The following NOS1AP variants were observed in gnomAD, a reference collection of about 807,000 sequenced individuals.
NOS1AP encodes the protein carboxyl-terminal PDZ ligand of neuronal nitric oxide synthase protein.
NOS1AP carries 21 observed loss-of-function variants against 56.2 expected under a neutral mutation model. The ratio of observed to expected loss-of-function variants is 0.37; its 90% CI spans 0.26 to 0.54. NOS1AP has a LOEUF of 0.54. NOS1AP is among the 20% of genes least tolerant of loss of function. The pLI, the probability that NOS1AP is intolerant of heterozygous loss-of-function variation, is 0.84. For synonymous variants in NOS1AP, 270 were observed against 274.6 expected (o/e 0.98, Z 0.17); for missense variants, 522 against 657.8 (o/e 0.79, Z 2.26).
rs57058985 is a variant in NOS1AP, at chr1:162,278,664, C to CGTGT, written c.178-8635_178-8632dup. On this transcript the variant is annotated intron_variant, in intron 2 of 9. Transcript: ENST00000361897. ...TACTAGGAAACGTTTACTCCTTCTA[C>CGTGT]GTGTGTGTGTGTGTGTGTGTGTGTG... 2.5e-3 allele frequency among the ~76,000 whole-genome samples: 354 copies of CGTGT among 143,202 alleles called. 2 individuals carry two copies. The highest frequency in any genetic ancestry group is 5.7e-3 in the South Asian group (25 of 4,384). The allele number at this position is 143,202 out of a possible 152,430, so 93.9% of individuals were successfully genotyped here. A position where few individuals can be genotyped will look rare whatever the true frequency, so the allele number is the denominator to read the frequency against.
chr1:162,313,851 G>A (rs58381740), intron 4 of NOS1AP, among the ~76,000 whole-genome samples: 11,250 of 152,176 alleles, frequency 0.074, 458 homozygotes, highest in Middle Eastern at 0.12. Flanking sequence ...TCCTTTCTGA[G>A]GGCTTTCTGC....
At chr1:162,356,920 C>T (rs748117392) in intron 7 of NOS1AP, 40 bp from the exon 8 acceptor site, 2 of 1,613,558 alleles carry the variant, frequency 1.2e-6, no homozygotes, top group South Asian at 2.2e-5. Flanking sequence ...CAAGATGGCT[C>T]CTGCCACATG....
intron 4 of NOS1AP, among the ~76,000 whole-genome samples, chr1:162,305,365 G>C (rs1213101538): frequency 6.6e-6 from 1 of 150,818 alleles, no homozygotes; most frequent in African/African-American, 2.5e-5. Context: ...CACTATGGTG[G>C]ACATCTAAAC....
intron 2 of NOS1AP, among the ~76,000 whole-genome samples, chr1:162,247,018 G>A (rs1005784046): frequency 2.0e-5 from 3 of 152,182 alleles, no homozygotes; most frequent in Admixed American, 2.0e-4. Flanking sequence ...TGGGATCAAG[G>A]ACGTTAGATC....
chr1:162,208,616 T>C (rs1371857574), intron 2 of NOS1AP, among the ~76,000 whole-genome samples: 2 of 152,280 alleles, frequency 1.3e-5, no homozygotes, highest in Admixed American at 6.5e-5. Flanking sequence ...TATATGGATA[T>C]ATGAAATGCC....
At chr1:162,250,437 A>G (rs537406806) in intron 2 of NOS1AP, among the ~76,000 whole-genome samples, 42 of 152,350 alleles carry the variant, frequency 2.8e-4, no homozygotes, top group African/African-American at 1.0e-3. Flanking sequence ...TGGAAGCAAA[A>G]CAGCAGCAGA....
At chr1:162,099,947 A>G (rs1182342071) in intron 1 of NOS1AP, among the ~76,000 whole-genome samples, 1 of 151,560 alleles carries the variant, frequency 6.6e-6, no homozygotes, top group African/African-American at 2.4e-5. Flanking sequence ...CCATGTCCCT[A>G]CAAAGGACAT....
At chr1:162,257,585 G>A (rs1389703895) in intron 2 of NOS1AP, among the ~76,000 whole-genome samples, 1 of 151,608 alleles carries the variant, frequency 6.6e-6, no homozygotes, top group Non-Finnish European at 1.5e-5. Flanking sequence ...GGAGGCAGAG[G>A]TTGCAGTGAG....
At chr1:162,207,093 G>A (rs1261676636) in intron 2 of NOS1AP, among the ~76,000 whole-genome samples, 1 of 152,158 alleles carries the variant, frequency 6.6e-6, no homozygotes, top group African/African-American at 2.4e-5. Flanking sequence ...ATAATTAGAG[G>A]GTTTGTTAAA....
At chr1:162,345,220 T>C (rs567232355) in intron 6 of NOS1AP, among the ~76,000 whole-genome samples, 1 of 152,002 alleles carries the variant, frequency 6.6e-6, no homozygotes, top group East Asian at 1.9e-4. Context: ...GTTAGTTACA[T>C]ATGTATACAT....
intron 1 of NOS1AP, among the ~76,000 whole-genome samples, chr1:162,081,774 A>AGATATATATATT (rs1380820778): frequency 2.3e-5 from 1 of 44,060 alleles, no homozygotes; most frequent in Non-Finnish European, 4.6e-5. Flanking sequence ...ATATATATAT[A>AGATATATATATT]TTTTTTTTTT....
At chr1:162,346,154 A>T (rs1361462291) in intron 6 of NOS1AP, among the ~76,000 whole-genome samples, 3 of 152,156 alleles carry the variant, frequency 2.0e-5, no homozygotes, top group African/African-American at 7.2e-5. Flanking sequence ...ATGCCTTTTG[A>T]CCCCCAAATT....
At chr1:162,185,442 G>T (rs1032574913) in intron 2 of NOS1AP, among the ~76,000 whole-genome samples, 4 of 152,156 alleles carry the variant, frequency 2.6e-5, no homozygotes, top group Non-Finnish European at 5.9e-5. Flanking sequence ...TACAGATTAC[G>T]TTTGCCTTTT....
chr1:162,324,416 C>CTTTTTTTTTTTTTTTTTTTTTTTTTT lies in NOS1AP; in HGVS notation c.345-8598_345-8573dup, dbSNP rs35946766. Among the ~76,000 whole-genome samples the CTTTTTTTTTTTTTTTTTTTTTTTTTT allele has an allele frequency of 6.9e-5, 5 of 72,148 alleles. 1 individual carries two copies. The highest frequency in any genetic ancestry group is 1.1e-4 in the Non-Finnish European group (4 of 36,154). 47.3% of individuals were successfully genotyped at this position (72,148 alleles called of 152,430 possible). On this transcript the variant is annotated intron_variant, in intron 4 of 9. Coordinates refer to ENST00000361897, the MANE Select transcript of NOS1AP (RefSeq NM_014697.3). ...TAGTGGTTTTGTGAGGGACACTAGC[C>CTTTTTTTTTTTTTTTTTTTTTTTTTT]TTTTTTTTTTTTTTTTTTTTTTTTT...
In NOS1AP at chr1:162,186,398, AAAAAC is replaced by A. The variant is rs1046780016; in HGVS notation, c.177+31942_177+31946del. Among the ~76,000 whole-genome samples the A allele has an allele frequency of 5.9e-5, 9 of 152,204 alleles. No homozygotes were observed. The South Asian group carries it at 6.2e-4, about 11-fold the overall frequency. ...AAAGTGTTTTGAAAAGATGAAGAAA[AAAAAC>A]AAAACAAAACAAAACAAAAAAAAAC... On this transcript the variant is annotated intron_variant, in intron 2 of 9. Coordinates refer to ENST00000361897, the MANE Select transcript of NOS1AP (RefSeq NM_014697.3).
intron 2 of NOS1AP, among the ~76,000 whole-genome samples, chr1:162,197,850 C>T (rs1651857970): frequency 6.6e-6 from 1 of 152,228 alleles, no homozygotes. Flanking sequence ...GTCCAACTCT[C>T]TTGGCCCTGC....
chr1:162,293,986 A>G (rs572850336), intron 3 of NOS1AP, among the ~76,000 whole-genome samples: 129 of 152,292 alleles, frequency 8.5e-4, no homozygotes, highest in African/African-American at 3.0e-3. Flanking sequence ...ACTTTCCTAT[A>G]TCTTTGCTTT....
intron 2 of NOS1AP, among the ~76,000 whole-genome samples, chr1:162,194,480 A>G (rs987557410): frequency 6.6e-6 from 1 of 152,170 alleles, no homozygotes; most frequent in Non-Finnish European, 1.5e-5. Flanking sequence ...ACGTTTTCTC[A>G]AAGGGCACTG....
intron 1 of NOS1AP, among the ~76,000 whole-genome samples, chr1:162,143,685 C>T (rs1202823196): frequency 6.6e-6 from 1 of 152,034 alleles, no homozygotes; most frequent in African/African-American, 2.4e-5. Context: ...TGGTCTTGTA[C>T]TCTTGGGCTC....
Sources: allele counts gnomAD v4.1 joint callset (sites outside exome capture counted in the v4.1 genomes callset), GRCh38; gene constraint gnomAD v4.1.1; transcripts MANE v1.5; gene names NCBI Gene and HGNC (gene_info 2026-07-23, HGNC 2026-07-21).